FBXO4: variants seen among roughly 807,000 people sequenced by gnomAD.
FBXO4 encodes the protein F-box protein 4.
Under a neutral mutation model 43.7 loss-of-function variants are expected in FBXO4, and 36 were observed. The ratio of observed to expected loss-of-function variants is 0.82; its 90% CI spans 0.63 to 1.09. The LOEUF (loss-of-function observed/expected upper bound fraction) is 1.09. Among genes scored for constraint, FBXO4 ranks in the 50% least tolerant of loss-of-function variants. FBXO4 has a pLI of 0.00. For synonymous variants in FBXO4, 180 were observed against 165.6 expected, an observed-to-expected ratio of 1.09 and a Z score of -0.67; for missense variants, 435 against 474.1, an observed-to-expected ratio of 0.92 and a Z score of 0.77.
intron 5 of FBXO4, among the ~76,000 whole-genome samples, chr5:41,938,793 A>G (rs1017057943): frequency 6.6e-6 from 1 of 152,172 alleles, no homozygotes; most frequent in Non-Finnish European, 1.5e-5. Context: ...TTTTCTTGCT[A>G]GCTGTCAGCT....
rs556975288 is a variant in FBXO4 at position 41,938,546 on chromosome 5, TAAC to T, written c.899-892_899-890del. Among the ~76,000 whole-genome samples the T allele has an allele frequency of 2.2e-4, 33 of 152,342 alleles. No individual in the cohort carries two copies. In the East Asian group the frequency reaches 5.6e-3, roughly 26 times the overall value. On this transcript the variant is annotated intron_variant, in intron 5 of 6. Transcript: ENST00000281623. ...ATGTTTATTAATTTTCAATTTCTAT[TAAC>T]AAATTACCTCAAATTTAATAGTTTA...
the FBXO4 span, among the ~76,000 whole-genome samples, chr5:41,999,887 A>G: frequency 6.6e-6 from 1 of 151,994 alleles, no homozygotes; most frequent in Non-Finnish European, 1.5e-5. Flanking sequence ...ACACCCTCAC[A>G]GACATACCCA....
At chr5:42,026,731 T>C in the FBXO4 span, among the ~76,000 whole-genome samples, 1 of 151,720 alleles carries the variant, frequency 6.6e-6, no homozygotes, top group African/African-American at 2.4e-5. Context: ...TGAGGTATAT[T>C]CCTTCTACAC....
At chr5:42,035,679 C>T in the FBXO4 span, among the ~76,000 whole-genome samples, 10 of 152,126 alleles carry the variant, frequency 6.6e-5, no homozygotes, top group African/African-American at 1.4e-4. Flanking sequence ...AAATAAAAAT[C>T]GTGTTCCATG....
the FBXO4 span, among the ~76,000 whole-genome samples, chr5:41,986,128 C>T: frequency 1.3e-5 from 2 of 152,074 alleles, no homozygotes; most frequent in African/African-American, 2.4e-5. Context: ...GAAAGTATTG[C>T]GTAAGGCTAG....
chr5:42,021,895 T>C, the FBXO4 span, among the ~76,000 whole-genome samples: 1 of 152,102 alleles, frequency 6.6e-6, no homozygotes, highest in Admixed American at 6.6e-5. Context: ...TATGCTTTAG[T>C]ATATTTACTT....
At chr5:41,933,890 A>C (rs1751768824) in intron 3 of FBXO4, 56 bp from the exon 4 acceptor site, 8 of 1,436,932 alleles carry the variant, frequency 5.6e-6, no homozygotes, top group Non-Finnish European at 3.9e-6. Flanking sequence ...TTTCAGTGTG[A>C]TCTTTTGCTA....
At chr5:41,967,091 C>A in the FBXO4 span, 1 of 253,880 alleles carries the variant, frequency 3.9e-6, no homozygotes. Flanking sequence ...TGCTTTGTTT[C>A]TTGAGCTGGC....
At chr5:42,032,057 C>CTGTGTGTG in the FBXO4 span, among the ~76,000 whole-genome samples, 300 of 139,322 alleles carry the variant, frequency 2.2e-3, 1 homozygote, top group African/African-American at 4.4e-3. Context: ...GTCTTTTTTT[C>CTGTGTGTG]TGTGTGTGTG....
chr5:41,956,774 G>A, the FBXO4 span, among the ~76,000 whole-genome samples: 3 of 148,706 alleles, frequency 2.0e-5, no homozygotes, highest in African/African-American at 7.5e-5. Context: ...GTGCAGTGGC[G>A]AGATCTCAGC....
At chr5:41,942,348 C>A (rs1023084493), downstream of FBXO4, among the ~76,000 whole-genome samples, 5 of 151,680 alleles carry the variant, frequency 3.3e-5, no homozygotes, top group Admixed American at 2.6e-4. Context: ...TAATAATAAT[C>A]CAAAGTTATG....
chr5:42,021,884 A>G, the FBXO4 span, among the ~76,000 whole-genome samples: 1 of 152,132 alleles, frequency 6.6e-6, no homozygotes, highest in Non-Finnish European at 1.5e-5. Context: ...CAGGAAAAAT[A>G]TATGCTTTAG....
the FBXO4 span, among the ~76,000 whole-genome samples, chr5:42,029,089 ATTGAAGTACTCCCT>A: frequency 3.3e-5 from 5 of 151,814 alleles, no homozygotes; most frequent in African/African-American, 4.8e-5. Context: ...TTTCTTTCTT[ATTGAAGTACTCCCT>A]TTGGCTTTTC....
the FBXO4 span, among the ~76,000 whole-genome samples, chr5:41,962,208 C>T: frequency 2.2e-3 from 339 of 152,286 alleles, 3 homozygotes; most frequent in African/African-American, 7.9e-3. Flanking sequence ...CCACAGGCTG[C>T]AAATAATTTG....
the FBXO4 span, among the ~76,000 whole-genome samples, chr5:42,016,735 T>C: frequency 6.6e-6 from 1 of 152,048 alleles, no homozygotes; most frequent in African/African-American, 2.4e-5. Flanking sequence ...GTTGTAAAAT[T>C]GGATTATTTT....
At chr5:41,942,532 A>G (rs946470381), downstream of FBXO4, among the ~76,000 whole-genome samples, 2 of 152,092 alleles carry the variant, frequency 1.3e-5, no homozygotes, top group African/African-American at 4.8e-5. Context: ...GATTTAAACT[A>G]GTACCTTATG....
chr5:42,016,236 G>A, the FBXO4 span, among the ~76,000 whole-genome samples: 1 of 152,142 alleles, frequency 6.6e-6, no homozygotes, highest in African/African-American at 2.4e-5. Flanking sequence ...CCTGCAGACA[G>A]AGGTGGCATG....
the FBXO4 span, among the ~76,000 whole-genome samples, chr5:42,013,913 G>A: frequency 1.3e-5 from 2 of 152,140 alleles, no homozygotes; most frequent in South Asian, 4.2e-4. Context: ...GAGGAGACAA[G>A]ATCTGAGAAT....
rs577189527 is a variant in FBXO4, at chr5:41,934,021, G to C, written c.722G>C (p.Arg241Thr). 4.3e-6 allele frequency: 7 copies of C among 1,613,028 alleles called. No individual in the cohort carries two copies. The Admixed American group carries it at 1.2e-4, about 27-fold the overall frequency. ...FNILILYSTTRKERDRAREEH... is the reference protein window; with the variant it reads ...FNILILYSTTTKERDRAREEH... ...ATTCTAATCTTATATTCAACTACCA[G>C]GTAAGGCTACATACTTGGTGGCTTA... Residue 241 changes from arginine to threonine, a missense_variant and splice_region_variant, in exon 4 of 7, where the codon AGA becomes ACA. Physicochemically the swap from Arg to Thr is moderately conservative, Grantham distance 71. Coordinates refer to ENST00000281623, the MANE Select transcript of FBXO4 (RefSeq NM_012176.3).
Sources: gnomAD v4.1 joint callset for allele counts (sites outside exome capture counted in the v4.1 genomes callset) on GRCh38, gnomAD v4.1.1 for gene constraint, MANE v1.5 for transcripts, NCBI Gene and HGNC (gene_info 2026-07-23, HGNC 2026-07-21) for gene names.